OSBP2: variants seen among roughly 807,000 people sequenced by gnomAD.
OSBP2 encodes oxysterol binding protein 2.
In OSBP2, 66 loss-of-function variants were observed where a neutral mutation model predicts 96.0. The observed-to-expected ratio is 0.69, with a 90% CI of 0.56 to 0.84. OSBP2 has a LOEUF of 0.84. OSBP2 is among the 40% of genes least tolerant of loss of function. OSBP2 has a pLI of 0.00. For synonymous variants in OSBP2, 525 were observed against 520.9 expected (o/e 1.01, Z -0.11); for missense variants, 1,038 against 1,222.7 (o/e 0.85, Z 2.25).
At chr22:30,796,289 A>G (rs1602275612) in intron 2 of OSBP2, among the ~76,000 whole-genome samples, 1 of 152,132 alleles carries the variant, frequency 6.6e-6, no homozygotes, top group African/African-American at 2.4e-5. Flanking sequence ...TTGGTTAACC[A>G]AGGACACAAG....
At chr22:30,741,736 A>G (rs1161855491) in intron 2 of OSBP2, among the ~76,000 whole-genome samples, 1 of 152,022 alleles carries the variant, frequency 6.6e-6, no homozygotes, top group Non-Finnish European at 1.5e-5. Context: ...GGAGAGTGAA[A>G]CCATTTAGCC....
chr22:30,841,653 A>G (rs1450191152), intron 2 of OSBP2, among the ~76,000 whole-genome samples: 1 of 152,208 alleles, frequency 6.6e-6, no homozygotes, highest in Non-Finnish European at 1.5e-5. Flanking sequence ...GTACTCTAGT[A>G]AGTGAGCAAT....
At chr22:30,751,770 C>T (rs1375742567) in intron 2 of OSBP2, among the ~76,000 whole-genome samples, 3 of 152,188 alleles carry the variant, frequency 2.0e-5, no homozygotes, top group Non-Finnish European at 4.4e-5. Context: ...AGATTAGGCG[C>T]CCAGGGCACT....
intron 1 of OSBP2, among the ~76,000 whole-genome samples, chr22:30,719,284 C>G (rs1236695989): frequency 6.6e-6 from 1 of 152,068 alleles, no homozygotes; most frequent in Non-Finnish European, 1.5e-5. Context: ...GGACCAGTAG[C>G]TCATGTTTTG....
intron 2 of OSBP2, among the ~76,000 whole-genome samples, chr22:30,778,511 C>A (rs550794408): frequency 2.0e-5 from 3 of 152,078 alleles, no homozygotes; most frequent in African/African-American, 7.2e-5. Context: ...GAGCAGCCTG[C>A]GGTTATGGCC....
chr22:30,801,276 G>A (rs1269509032), intron 2 of OSBP2, among the ~76,000 whole-genome samples: 1 of 152,192 alleles, frequency 6.6e-6, no homozygotes, highest in Non-Finnish European at 1.5e-5. Flanking sequence ...ATAAAAAAGA[G>A]AAGAAAGAAA....
intron 2 of OSBP2, among the ~76,000 whole-genome samples, chr22:30,781,765 G>C (rs1427988807): frequency 6.6e-6 from 1 of 152,236 alleles, no homozygotes; most frequent in Non-Finnish European, 1.5e-5. Flanking sequence ...CAACAGGCTT[G>C]CAGTGATTGT....
intron 2 of OSBP2, among the ~76,000 whole-genome samples, chr22:30,789,477 C>A (rs542277245): frequency 6.6e-6 from 1 of 152,146 alleles, no homozygotes; most frequent in Non-Finnish European, 1.5e-5. Context: ...TTTCCAGGAG[C>A]CTGCAGCTAA....
At chr22:30,877,432 C>T (rs1027278935) in intron 3 of OSBP2, among the ~76,000 whole-genome samples, 2 of 152,126 alleles carry the variant, frequency 1.3e-5, no homozygotes, top group African/African-American at 4.8e-5. Context: ...GAGGTGGGGA[C>T]ATTCTCCCTC....
chr22:30,834,965 A>G (rs899049243), intron 2 of OSBP2, among the ~76,000 whole-genome samples: 1 of 151,638 alleles, frequency 6.6e-6, no homozygotes, highest in Non-Finnish European at 1.5e-5. Flanking sequence ...ACAGGCATGC[A>G]CCACCACACC....
intron 2 of OSBP2, among the ~76,000 whole-genome samples, chr22:30,859,861 C>G (rs2039173694): frequency 6.6e-6 from 1 of 152,176 alleles, no homozygotes; most frequent in Admixed American, 6.5e-5. Context: ...TTTTTCCTCT[C>G]CTTTGGTTAC....
intron 3 of OSBP2, among the ~76,000 whole-genome samples, chr22:30,880,247 C>T (rs928820408): frequency 2.0e-5 from 3 of 152,292 alleles, no homozygotes; most frequent in South Asian, 2.1e-4. Flanking sequence ...TGAGGATCAG[C>T]GTGGAGGGTG....
chr22:30,889,981 G>A (rs2269897), intron 7 of OSBP2, among the ~76,000 whole-genome samples: 16,050 of 152,100 alleles, frequency 0.11, 1,093 homozygotes, highest in South Asian at 0.2. Flanking sequence ...GTGTGTGGAG[G>A]GGTGGGCCCT....
At chr22:30,770,348 G>A (rs2090331556) in intron 2 of OSBP2, among the ~76,000 whole-genome samples, 1 of 151,798 alleles carries the variant, frequency 6.6e-6, no homozygotes, top group Non-Finnish European at 1.5e-5. Context: ...TGCCCATCTC[G>A]GCCTCCCAAA....
At chr22:30,898,862 T>TTAA (rs35162134) in intron 12 of OSBP2, among the ~76,000 whole-genome samples, 1,554 of 146,580 alleles carry the variant, frequency 0.011, 15 homozygotes, top group East Asian at 0.026. Context: ...CATCTTTATA[T>TTAA]TAATAATAAT....
chr22:30,799,535 C>CA (rs1229197978), intron 2 of OSBP2, among the ~76,000 whole-genome samples: 1 of 152,258 alleles, frequency 6.6e-6, no homozygotes, highest in Non-Finnish European at 1.5e-5. Context: ...GGCCCAAAGA[C>CA]AAAGGGCAAC....
intron 2 of OSBP2, among the ~76,000 whole-genome samples, chr22:30,808,077 A>T (rs1942686448): frequency 6.6e-6 from 1 of 152,204 alleles, no homozygotes; most frequent in Non-Finnish European, 1.5e-5. Flanking sequence ...GGTGTGAGCC[A>T]CTATGCCCAG....
intron 2 of OSBP2, among the ~76,000 whole-genome samples, chr22:30,811,059 C>G (rs907007052): frequency 5.9e-5 from 9 of 152,024 alleles, no homozygotes; most frequent in African/African-American, 2.2e-4. Flanking sequence ...TTCATGACCC[C>G]TCCCCATCTC....
intron 2 of OSBP2, among the ~76,000 whole-genome samples, chr22:30,793,159 G>T (rs1467063924): frequency 6.6e-6 from 1 of 152,230 alleles, no homozygotes; most frequent in Non-Finnish European, 1.5e-5. Context: ...GGAGGCTAAG[G>T]TGGGCGGATC....
Sources: allele counts gnomAD v4.1 joint callset (sites outside exome capture counted in the v4.1 genomes callset), GRCh38; gene constraint gnomAD v4.1.1; transcripts MANE v1.5; gene names NCBI Gene and HGNC (gene_info 2026-07-23, HGNC 2026-07-21).